Variants in FYB1 observed in about 807,000 individuals in gnomAD.
FYB1 encodes the protein FYN-binding protein 1.
Under a neutral mutation model 94.1 loss-of-function variants are expected in FYB1, and 41 were observed. The ratio of observed to expected loss-of-function variants is 0.44; its 90% CI spans 0.34 to 0.57. The LOEUF is 0.57. FYB1 is among the 20% of genes least tolerant of loss of function. FYB1 has a pLI of 0.02. For synonymous variants in FYB1, 367 were observed against 353.2 expected, an observed-to-expected ratio of 1.04 and a Z score of -0.44; for missense variants, 1,050 against 976.8, an observed-to-expected ratio of 1.07 and a Z score of -1.00.
At chr5:39,159,243 G>T (rs187149720) in intron 2 of FYB1, among the ~76,000 whole-genome samples, 13 of 152,244 alleles carry the variant, frequency 8.5e-5, no homozygotes, top group Non-Finnish European at 1.6e-4. Context: ...GATTTTAGCC[G>T]TGGGCTGGCA....
At chr5:39,142,171 T>A (rs1270025017) in intron 3 of FYB1, among the ~76,000 whole-genome samples, 1 of 152,142 alleles carries the variant, frequency 6.6e-6, no homozygotes, top group Non-Finnish European at 1.5e-5. Context: ...CTCAGCTGTA[T>A]CCCCCCTGCT....
chr5:39,140,066 G>A (rs549645482), intron 4 of FYB1: 2 of 152,192 alleles, frequency 1.3e-5, no homozygotes, highest in East Asian at 1.9e-4. Context: ...AGGAAAAAAT[G>A]AGAACATTTT....
intron 1 of FYB1, among the ~76,000 whole-genome samples, chr5:39,245,805 G>A (rs1012690661): frequency 2.0e-5 from 3 of 152,068 alleles, no homozygotes; most frequent in African/African-American, 7.2e-5. Flanking sequence ...TCGCCATGTC[G>A]GCCAGGCTGG....
intron 2 of FYB1, among the ~76,000 whole-genome samples, chr5:39,191,650 A>G (rs1461727011): frequency 6.6e-6 from 1 of 152,100 alleles, no homozygotes; most frequent in Non-Finnish European, 1.5e-5. Context: ...TTTCTTATCT[A>G]TTTACTAGTG....
chr5:39,113,905 A>G (rs1739296737), intron 16 of FYB1, among the ~76,000 whole-genome samples: 2 of 152,118 alleles, frequency 1.3e-5, no homozygotes, highest in African/African-American at 4.8e-5. Flanking sequence ...TTATTATCCT[A>G]GTTTTATAAA....
chr5:39,158,195 C>T (rs1456533366), intron 2 of FYB1, among the ~76,000 whole-genome samples: 1 of 152,228 alleles, frequency 6.6e-6, no homozygotes, highest in African/African-American at 2.4e-5. Context: ...TAACCTCTGA[C>T]TCAAACTTTT....
intron 2 of FYB1, 105 bp downstream of exon 2, chr5:39,201,721 C>T (rs1748326351): frequency 1.0e-6 from 1 of 997,796 alleles, no homozygotes; most frequent in South Asian, 1.7e-5. Context: ...CATATGAGTA[C>T]CAGATATAGA....
chr5:39,229,408 TTAAA>T (rs1750623232), intron 1 of FYB1, among the ~76,000 whole-genome samples: 1 of 152,178 alleles, frequency 6.6e-6, no homozygotes, highest in Non-Finnish European at 1.5e-5. Flanking sequence ...TTGTCCAGAC[TTAAA>T]TAAAATGACA....
intron 1 of FYB1, among the ~76,000 whole-genome samples, chr5:39,245,882 G>T (rs557324085): frequency 8.1e-4 from 124 of 152,336 alleles, no homozygotes; most frequent in African/African-American, 2.7e-3. Context: ...TTACAGGCAT[G>T]AGCCACTGCG....
chr5:39,200,200 G>A (rs1323236630), intron 2 of FYB1, among the ~76,000 whole-genome samples: 1 of 152,226 alleles, frequency 6.6e-6, no homozygotes, highest in Non-Finnish European at 1.5e-5. Context: ...CTGCTCTGCA[G>A]TTCTGCCTGG....
chr5:39,225,366 TA>T (rs1429583206), intron 1 of FYB1, among the ~76,000 whole-genome samples: 9 of 152,350 alleles, frequency 5.9e-5, no homozygotes, highest in Middle Eastern at 3.4e-3. Flanking sequence ...AGATAAACTT[TA>T]CCAATTAGAA....
rs141301180 is a variant in FYB1, at chr5:39,206,411, A to T, written c.-27-3424T>A. ...TAGGTAGTTTTTTTCTTTAAGCGTAATGATAGAAAAAGCAAAAATGATTTT... is the reference window on the plus strand; with the variant it reads ...TAGGTAGTTTTTTTCTTTAAGCGTATTGATAGAAAAAGCAAAAATGATTTT... On this transcript the variant is annotated intron_variant, in intron 1 of 18. Transcript: ENST00000512982. 1.1e-3 allele frequency among the ~76,000 whole-genome samples: 175 copies of T among 152,366 alleles called. 1 individual carries two copies. Among genetic ancestry groups the T allele is most frequent in the African/African-American group, 3.9e-3 (162 of 41,590 alleles).
At chr5:39,118,769 A>G (rs577110221) in intron 16 of FYB1, 105 bp downstream of exon 16, 1 of 663,698 alleles carries the variant, frequency 1.5e-6, no homozygotes, top group South Asian at 4.6e-5. Flanking sequence ...GGGCAAAAAG[A>G]TAGATAAGAG....
At chr5:39,195,408 A>C (rs915600465) in intron 2 of FYB1, among the ~76,000 whole-genome samples, 2 of 152,222 alleles carry the variant, frequency 1.3e-5, no homozygotes, top group African/African-American at 4.8e-5. Context: ...GGGGAAAAAG[A>C]AAGGTGATAG....
chr5:39,214,954 C>G (rs10805639), intron 1 of FYB1, among the ~76,000 whole-genome samples: 97,670 of 151,988 alleles, frequency 0.64, 35,500 homozygotes, highest in Non-Finnish European at 0.82. Flanking sequence ...TGTGATTTCA[C>G]TTATATGATG....
At chr5:39,203,262 T>C (rs1748543323) in intron 1 of FYB1, among the ~76,000 whole-genome samples, 1 of 152,210 alleles carries the variant, frequency 6.6e-6, no homozygotes. Context: ...TTATTCTCAC[T>C]GTTTCTCTAG....
At position 39,106,231 on chromosome 5, in the gene FYB1, T is replaced by G. The variant is rs1223990695; in HGVS notation, c.*1212A>C. On this transcript the variant is annotated 3_prime_UTR_variant, in exon 19 of 19. Coordinates refer to ENST00000512982, the MANE Select transcript of FYB1 (RefSeq NM_001465.6). Reference sequence around the variant, plus strand: ...CAGATAAGGAAACTGAGAAGATAAATAATTTATTCAATATCACTCGATGGT... The same window carrying G: ...CAGATAAGGAAACTGAGAAGATAAAGAATTTATTCAATATCACTCGATGGT... 6.6e-6 allele frequency: 1 copy of G among 152,160 alleles called. No homozygotes were observed. The highest frequency in any genetic ancestry group is 1.9e-4 in the East Asian group (1 of 5,200). 9.4% of individuals were successfully genotyped at this position (152,160 alleles called of 1,614,324 possible). A position where few individuals can be genotyped will look rare whatever the true frequency, so the allele number is the denominator to read the frequency against.
At chr5:39,239,060 C>G (rs1190838194) in intron 1 of FYB1, among the ~76,000 whole-genome samples, 1 of 152,048 alleles carries the variant, frequency 6.6e-6, no homozygotes, top group Non-Finnish European at 1.5e-5. Flanking sequence ...AAAAACAAAA[C>G]CACATGTTCA....
At chr5:39,177,903 C>G (rs1258935487) in intron 2 of FYB1, among the ~76,000 whole-genome samples, 2 of 152,200 alleles carry the variant, frequency 1.3e-5, no homozygotes, top group African/African-American at 4.8e-5. Flanking sequence ...CTCCGCTTCC[C>G]CATCTCAAGC....
Sources: gnomAD v4.1 joint callset for allele counts (sites outside exome capture counted in the v4.1 genomes callset) on GRCh38, gnomAD v4.1.1 for gene constraint, MANE v1.5 for transcripts, NCBI Gene and HGNC (gene_info 2026-07-23, HGNC 2026-07-21) for gene names.